The following NXPH1 variants were observed in gnomAD, a reference collection of about 807,000 sequenced individuals.
NXPH1 encodes neurexophilin 1, also known as neurexophilin-1.
NXPH1 carries 5 observed loss-of-function variants against 23.7 expected under a neutral mutation model. That is an observed-to-expected ratio of 0.21 (90% confidence interval 0.11 to 0.44). NXPH1 has a LOEUF of 0.44. Ranked by LOEUF, NXPH1 falls within the 20% of genes least tolerant of loss-of-function variation. NXPH1 has a pLI of 0.99. For missense variants in NXPH1, 324 were observed against 321.6 expected (o/e 1.01, Z -0.06); for synonymous variants, 144 against 122.2 (o/e 1.18, Z -1.18).
chr7:8,463,603 A>G (rs775919618), intron 2 of NXPH1, among the ~76,000 whole-genome samples: 1 of 152,048 alleles, frequency 6.6e-6, no homozygotes, highest in East Asian at 1.9e-4. Context: ...ATCCTTTCCA[A>G]CTTTTTGATT....
At chr7:8,740,941 A>G (rs1429929616) in intron 2 of NXPH1, among the ~76,000 whole-genome samples, 1 of 152,134 alleles carries the variant, frequency 6.6e-6, no homozygotes, top group East Asian at 1.9e-4. Context: ...GCAAATTTCA[A>G]GTATAGAATA....
At position 8,751,797 on chromosome 7, in the gene NXPH1, C is replaced by A; in HGVS notation, c.*28C>A. 6.3e-7 allele frequency: 1 copy of A among 1,577,388 alleles called. No homozygotes were observed. Among genetic ancestry groups the A allele is most frequent in the Non-Finnish European group, 8.6e-7 (1 of 1,164,242 alleles). On this transcript the variant is annotated 3_prime_UTR_variant, in exon 3 of 3. Coordinates refer to ENST00000405863, the MANE Select transcript of NXPH1 (RefSeq NM_152745.3). The surrounding 1 kb of genome is among the most constrained non-coding windows in gnomAD (Gnocchi z 4.5). Reference sequence around the variant, plus strand: ...GTGAACATGGGGGTGAGACTGAAGCCTGAGGAATTAAAGGTCATATGACAG... The same window carrying A: ...GTGAACATGGGGGTGAGACTGAAGCATGAGGAATTAAAGGTCATATGACAG...
intron 2 of NXPH1, among the ~76,000 whole-genome samples, chr7:8,721,705 G>A (rs1232222145): frequency 6.6e-6 from 1 of 152,216 alleles, no homozygotes; most frequent in Non-Finnish European, 1.5e-5. Context: ...GTGAGCCCAG[G>A]AGGCGGAGCT....
At chr7:8,575,460 T>C (rs1262607342) in intron 2 of NXPH1, among the ~76,000 whole-genome samples, 1 of 152,202 alleles carries the variant, frequency 6.6e-6, no homozygotes, top group Admixed American at 6.5e-5. Context: ...GTTTAGAATT[T>C]GTTTCAATGA....
chr7:8,504,257 A>G (rs1310415571), intron 2 of NXPH1, among the ~76,000 whole-genome samples: 2 of 151,646 alleles, frequency 1.3e-5, no homozygotes, highest in African/African-American at 4.8e-5. Context: ...CTCAACCTCC[A>G]CCCTATTATT....
At chr7:8,465,540 C>A (rs1158205861) in intron 2 of NXPH1, among the ~76,000 whole-genome samples, 1 of 152,104 alleles carries the variant, frequency 6.6e-6, no homozygotes, top group African/African-American at 2.4e-5. Flanking sequence ...TCATATTGTG[C>A]TATTAGGCTC....
rs986584625 is a variant in NXPH1 at position 8,473,238 on chromosome 7, C to T, written c.54+37471C>T. Among the ~76,000 whole-genome samples, 16 of 152,080 alleles carry T rather than the reference C, an allele frequency of 1.1e-4. 1 individual carries two copies. The highest frequency in any genetic ancestry group is 4.6e-4 in the Admixed American group (7 of 15,266). On this transcript the variant is annotated intron_variant, in intron 2 of 2. Transcript: ENST00000405863. ...CTAGGACTATACATGCTTTATTGAG[C>T]GGCTGTTCCCAACCAAGGCTTGAAA...
At chr7:8,530,610 C>T (rs1160975872) in intron 2 of NXPH1, among the ~76,000 whole-genome samples, 1 of 152,210 alleles carries the variant, frequency 6.6e-6, no homozygotes, top group Non-Finnish European at 1.5e-5. Context: ...TGTAGGGTTT[C>T]TGCAAGTGTC....
chr7:8,510,250 T>A (rs1181342788), intron 2 of NXPH1, among the ~76,000 whole-genome samples: 1 of 152,182 alleles, frequency 6.6e-6, no homozygotes, highest in South Asian at 2.1e-4. Flanking sequence ...TGTTTATAAG[T>A]CAATGATGAA....
At chr7:8,677,541 G>C (rs1820969966) in intron 2 of NXPH1, among the ~76,000 whole-genome samples, 1 of 152,118 alleles carries the variant, frequency 6.6e-6, no homozygotes, top group East Asian at 1.9e-4. Flanking sequence ...GAGGAAAAGA[G>C]GAACTATGAT....
chr7:8,599,839 G>C (rs1285353667), intron 2 of NXPH1, among the ~76,000 whole-genome samples: 1 of 148,780 alleles, frequency 6.7e-6, no homozygotes, highest in Non-Finnish European at 1.5e-5. Flanking sequence ...GGGAGGGATT[G>C]TTGGTATTAG....
chr7:8,466,622 A>G (rs1480238675), intron 2 of NXPH1, among the ~76,000 whole-genome samples: 1 of 152,194 alleles, frequency 6.6e-6, no homozygotes, highest in East Asian at 1.9e-4. Flanking sequence ...TTTTTAGTAT[A>G]TCATTAAGGA....
At chr7:8,486,242 C>T (rs978270605) in intron 2 of NXPH1, among the ~76,000 whole-genome samples, 3 of 152,158 alleles carry the variant, frequency 2.0e-5, no homozygotes, top group African/African-American at 4.8e-5. Context: ...TGGCATTGTG[C>T]CTCTCCTGAT....
chr7:8,691,391 C>T (rs1035818336), intron 2 of NXPH1, among the ~76,000 whole-genome samples: 4 of 152,104 alleles, frequency 2.6e-5, no homozygotes, highest in East Asian at 3.9e-4. Context: ...TCAGGTGACC[C>T]GCTCTCCTCA....
chr7:8,532,744 T>TC (rs1817968069), intron 2 of NXPH1, among the ~76,000 whole-genome samples: 1 of 152,092 alleles, frequency 6.6e-6, no homozygotes, highest in Non-Finnish European at 1.5e-5. Flanking sequence ...TGGGTGAGAA[T>TC]CCGGACCCTA....
At chr7:8,626,221 G>A (rs905127686) in intron 2 of NXPH1, among the ~76,000 whole-genome samples, 1 of 151,960 alleles carries the variant, frequency 6.6e-6, no homozygotes, top group African/African-American at 2.4e-5. Flanking sequence ...AATAAGGAAA[G>A]TGCTGGTAGT....
intron 2 of NXPH1, among the ~76,000 whole-genome samples, chr7:8,735,636 A>G (rs1780238036): frequency 1.3e-5 from 2 of 152,108 alleles, no homozygotes; most frequent in South Asian, 4.1e-4. Flanking sequence ...TGGTACCAGG[A>G]TGATGCTGGC....
At chr7:8,702,693 C>T (rs1779645130) in intron 2 of NXPH1, among the ~76,000 whole-genome samples, 1 of 151,892 alleles carries the variant, frequency 6.6e-6, no homozygotes, top group Admixed American at 6.6e-5. Flanking sequence ...ATTTAAAGTG[C>T]TTTCACCTAC....
chr7:8,596,064 A>G (rs1027358706), intron 2 of NXPH1, among the ~76,000 whole-genome samples: 4 of 152,110 alleles, frequency 2.6e-5, no homozygotes, highest in African/African-American at 9.7e-5. Flanking sequence ...CAAATGGTAT[A>G]TATATTCACT....
Sources: gnomAD v4.1 joint callset for allele counts (sites outside exome capture counted in the v4.1 genomes callset) on GRCh38, gnomAD v4.1.1 for gene constraint, Gnocchi (gnomAD v3.1) non-coding constraint, MANE v1.5 for transcripts, NCBI Gene and HGNC (gene_info 2026-07-23, HGNC 2026-07-21) for gene names.